Variants in SIL1 observed in about 807,000 individuals in gnomAD.
The protein encoded by SIL1 is nucleotide exchange factor SIL1.
In SIL1, 40 loss-of-function variants were observed where a neutral mutation model predicts 49.1. The ratio of observed to expected loss-of-function variants is 0.81; its 90% CI spans 0.63 to 1.06. The LOEUF (loss-of-function observed/expected upper bound fraction) is 1.06. Among genes scored for constraint, SIL1 ranks in the 50% least tolerant of loss-of-function variants. The pLI is 0.00. For missense variants in SIL1, 500 were observed against 572.6 expected (o/e 0.87, Z 1.29); for synonymous variants, 253 against 250.8 (o/e 1.01, Z -0.08).
Position 139,171,027 on chromosome 5 carries a change from G to A in SIL1, c.-11+27242C>T, listed in dbSNP as rs536480127. 1.0e-3 allele frequency among the ~76,000 whole-genome samples: 154 copies of A among 149,836 alleles called. 2 individuals carry two copies. The highest frequency in any genetic ancestry group is 7.0e-3 in the Middle Eastern group (2 of 284). ...GCCTCTGCCCAGCCGCCCCTACTGG[G>A]AAGTGAGGAGCCCCTCTGCCCGGCC... On this transcript the variant is annotated intron_variant, in intron 1 of 9. Coordinates refer to ENST00000394817, the MANE Select transcript of SIL1 (RefSeq NM_022464.5).
chr5:139,025,176 A>G (rs1333665640), intron 6 of SIL1, among the ~76,000 whole-genome samples: 1 of 145,320 alleles, frequency 6.9e-6, no homozygotes, highest in Non-Finnish European at 1.5e-5. Flanking sequence ...TAGACACTTG[A>G]TTTATTTATT....
intron 3 of SIL1, among the ~76,000 whole-genome samples, chr5:139,067,399 T>A (rs1769730153): frequency 6.6e-6 from 1 of 152,182 alleles, no homozygotes; most frequent in Non-Finnish European, 1.5e-5. Flanking sequence ...TTCAGAGTAT[T>A]ATCACCTCTG....
At chr5:139,003,504 T>C (rs766812931) in intron 7 of SIL1, among the ~76,000 whole-genome samples, 1 of 152,238 alleles carries the variant, frequency 6.6e-6, no homozygotes, top group Admixed American at 6.5e-5. Context: ...GATGTTTCTT[T>C]ATTTACTCTT....
chr5:139,001,485 T>C (rs964916931), intron 7 of SIL1, among the ~76,000 whole-genome samples: 1 of 152,154 alleles, frequency 6.6e-6, no homozygotes, highest in Non-Finnish European at 1.5e-5. Flanking sequence ...TTTCAAATAG[T>C]GGGATGCTAA....
At chr5:139,161,464 T>C (rs1751512691) in intron 1 of SIL1, among the ~76,000 whole-genome samples, 1 of 152,150 alleles carries the variant, frequency 6.6e-6, no homozygotes. Flanking sequence ...GCCCTAGACA[T>C]GAGTAGAGAC....
chr5:139,062,301 A>AT (rs912779894), intron 3 of SIL1, among the ~76,000 whole-genome samples: 1 of 152,140 alleles, frequency 6.6e-6, no homozygotes, highest in African/African-American at 2.4e-5. Context: ...ATATTTATGT[A>AT]TTTTTTAGAA....
intron 1 of SIL1, among the ~76,000 whole-genome samples, chr5:139,132,635 C>T (rs554413414): frequency 4.0e-4 from 61 of 152,236 alleles, no homozygotes; most frequent in African/African-American, 1.4e-3. Context: ...GAGATAGTTT[C>T]TCAGGCTTCA....
intron 3 of SIL1, among the ~76,000 whole-genome samples, chr5:139,074,507 A>C (rs186193242): frequency 2.6e-4 from 39 of 152,362 alleles, no homozygotes; most frequent in African/African-American, 7.9e-4. Context: ...AGGCTTTACA[A>C]GGAAATGGTC....
chr5:139,130,026 A>G (rs549675417), intron 1 of SIL1, among the ~76,000 whole-genome samples: 1 of 152,332 alleles, frequency 6.6e-6, no homozygotes, highest in South Asian at 2.1e-4. Context: ...CTCAACAATA[A>G]AAAGACAAGT....
chr5:139,188,111 AG>A (rs1359070347), intron 1 of SIL1: 1 of 152,224 alleles, frequency 6.6e-6, no homozygotes, highest in East Asian at 1.9e-4. Flanking sequence ...ACCCATTCTC[AG>A]GTATTTGTTT....
In SIL1 at chr5:139,061,178, G is replaced by A. The variant is rs182051537; in HGVS notation, c.245-10132C>T. ...TTGCCCCAACTCATCCCAGTGTCCAGTGCTTAGAAACTTGTCCCTCCTGGA... is the reference window on the plus strand; with the variant it reads ...TTGCCCCAACTCATCCCAGTGTCCAATGCTTAGAAACTTGTCCCTCCTGGA... On this transcript the variant is annotated intron_variant, in intron 3 of 9. Transcript: ENST00000394817. 9.5e-4 allele frequency among the ~76,000 whole-genome samples: 144 copies of A among 152,340 alleles called. 2 individuals are homozygous for A. The highest frequency in any genetic ancestry group is 3.4e-3 in the Middle Eastern group (1 of 294).
At position 138,985,896 on chromosome 5, in the gene SIL1, GGCAAACCCT is replaced by G. The variant is rs1258336655; in HGVS notation, c.768-34021_768-34013del. Among the ~76,000 whole-genome samples the G allele has an allele frequency of 3.3e-5, 5 of 152,186 alleles. No individual in the cohort carries two copies. In the East Asian group the frequency reaches 9.6e-4, roughly 29 times the overall value. ...CAGTGAAGTAGAGCCCGCTGATGAA[GGCAAACCCT>G]GCAATCTCCAGCTCCACAGATGATG... On this transcript the variant is annotated intron_variant, in intron 7 of 9. Transcript: ENST00000394817.
intron 7 of SIL1, among the ~76,000 whole-genome samples, chr5:138,966,595 G>A (rs954118510): frequency 1.3e-5 from 2 of 152,106 alleles, no homozygotes; most frequent in Non-Finnish European, 2.9e-5. Context: ...ATCTTCCTGT[G>A]CCTCTTGTGA....
chr5:139,115,148 A>C (rs1770960844), intron 3 of SIL1, among the ~76,000 whole-genome samples: 1 of 144,854 alleles, frequency 6.9e-6, no homozygotes, highest in African/African-American at 2.5e-5. Context: ...GGAGGGAGGG[A>C]GGGTCACCTG....
At chr5:139,036,850 A>T (rs561987360) in intron 5 of SIL1, among the ~76,000 whole-genome samples, 20 of 152,354 alleles carry the variant, frequency 1.3e-4, no homozygotes, top group South Asian at 8.3e-4. Context: ...CTTAAAAGTT[A>T]AAAATTAGAA....
At chr5:139,187,784 T>A (rs1190316760) in intron 1 of SIL1, 1 of 152,186 alleles carries the variant, frequency 6.6e-6, no homozygotes. Flanking sequence ...ATGGTTTGAA[T>A]TTGTGTCCCC....
At chr5:139,191,518 A>T (rs573384068) in intron 1 of SIL1, among the ~76,000 whole-genome samples, 22 of 151,976 alleles carry the variant, frequency 1.4e-4, no homozygotes, top group South Asian at 1.0e-3. Flanking sequence ...GGTGGCTCAC[A>T]CTTGTAATCC....
intron 3 of SIL1, among the ~76,000 whole-genome samples, chr5:139,082,789 C>T (rs1017775317): frequency 7.2e-5 from 11 of 152,182 alleles, no homozygotes; most frequent in African/African-American, 2.4e-4. Flanking sequence ...TAGGAACACA[C>T]GTGAAACTTC....
intron 1 of SIL1, among the ~76,000 whole-genome samples, chr5:139,160,435 TGA>T (rs1357385245): frequency 6.6e-6 from 1 of 152,164 alleles, no homozygotes; most frequent in Non-Finnish European, 1.5e-5. Flanking sequence ...CAAAGTTGGT[TGA>T]GAGAGCCACT....
Sources: gnomAD v4.1 joint callset for allele counts (sites outside exome capture counted in the v4.1 genomes callset) on GRCh38, gnomAD v4.1.1 for gene constraint, MANE v1.5 for transcripts, NCBI Gene and HGNC (gene_info 2026-07-23, HGNC 2026-07-21) for gene names.